Variants in PITPNM3 observed in about 807,000 individuals in gnomAD.
The protein encoded by PITPNM3 is PITPNM family member 3, also known as membrane-associated phosphatidylinositol transfer protein 3.
PITPNM3 carries 26 observed loss-of-function variants against 102.0 expected under a neutral mutation model. The ratio of observed to expected loss-of-function variants is 0.25; its 90% CI spans 0.19 to 0.35. The LOEUF (loss-of-function observed/expected upper bound fraction) is 0.35, where lower values mean the gene tolerates loss of function less well. Among genes scored for constraint, PITPNM3 ranks in the 10% least tolerant of loss-of-function variants. PITPNM3 has a pLI of 1.00. For synonymous variants in PITPNM3, 578 were observed against 558.6 expected, an observed-to-expected ratio of 1.03 and a Z score of -0.49; for missense variants, 1,083 against 1,346.1, an observed-to-expected ratio of 0.80 and a Z score of 3.06.
In PITPNM3 at chr17:6,484,198, C is replaced by A; in HGVS notation, c.351+18G>T. 6.3e-7 allele frequency: 1 copy of A among 1,590,358 alleles called. No homozygotes were observed. The highest frequency in any genetic ancestry group is 8.6e-7 in the Non-Finnish European group (1 of 1,158,846). On this transcript the variant is annotated intron_variant, in intron 5 of 19. Transcript: ENST00000262483. ...GGCCTCTGAGTTGAGCCCAGACACC[C>A]TCCGAAGCCCAGCCTACCTCGCTGT...
intron 2 of PITPNM3, among the ~76,000 whole-genome samples, chr17:6,530,965 C>T (rs1332245103): frequency 6.6e-6 from 1 of 152,212 alleles, no homozygotes; most frequent in Non-Finnish European, 1.5e-5. Context: ...CAGAGCTGTG[C>T]CACTGGCCCA....
At chr17:6,465,018 G>A (rs1243122866) in intron 14 of PITPNM3, among the ~76,000 whole-genome samples, 1 of 152,130 alleles carries the variant, frequency 6.6e-6, no homozygotes, top group Non-Finnish European at 1.5e-5. Flanking sequence ...CTGCTTTCGT[G>A]TTTTTTGTTT....
At chr17:6,492,157 G>A (rs900027521) in intron 4 of PITPNM3, among the ~76,000 whole-genome samples, 18 of 149,922 alleles carry the variant, frequency 1.2e-4, no homozygotes, top group African/African-American at 3.4e-4. Context: ...TCCACCTCCC[G>A]GGTTCCAGCA....
chr17:6,541,517 G>A (rs926316462), intron 1 of PITPNM3, among the ~76,000 whole-genome samples: 5 of 152,118 alleles, frequency 3.3e-5, no homozygotes, highest in African/African-American at 1.2e-4. Context: ...ACCAGGTAGG[G>A]TAGGACCTGT....
Position 6,457,289 on chromosome 17 carries a change from CCA to C in PITPNM3, c.2619+303_2619+304del, listed in dbSNP as rs1914156614. On this transcript the variant is annotated intron_variant, in intron 19 of 19. Transcript: ENST00000262483. The surrounding 1 kb of genome is among the most constrained non-coding windows in gnomAD (Gnocchi z 4.7). ...GGGTTAGCGGTCCCTCTCCAGGGCC[CCA>C]CAGTTCCCTGTGCTCCCGTCATACA... Among the ~76,000 whole-genome samples the C allele has an allele frequency of 6.6e-6, 1 of 152,186 alleles. No individual in the cohort carries two copies. Among genetic ancestry groups the C allele is most frequent in the Non-Finnish European group, 1.5e-5 (1 of 68,030 alleles).
At chr17:6,502,080 C>T (rs1412557270) in intron 4 of PITPNM3, among the ~76,000 whole-genome samples, 1 of 152,260 alleles carries the variant, frequency 6.6e-6, no homozygotes, top group Non-Finnish European at 1.5e-5. Flanking sequence ...TGGGGTGCCC[C>T]TGACAAAGGC....
At chr17:6,530,912 C>T (rs1476264022) in intron 2 of PITPNM3, among the ~76,000 whole-genome samples, 1 of 152,228 alleles carries the variant, frequency 6.6e-6, no homozygotes, top group Non-Finnish European at 1.5e-5. Context: ...GCCTCATTGA[C>T]AGATCCTTCC....
At chr17:6,474,281 T>C (rs1905193975) in intron 10 of PITPNM3, 151 bp downstream of exon 10, 1 of 1,146,750 alleles carries the variant, frequency 8.7e-7, no homozygotes, top group Admixed American at 2.0e-5. Context: ...CTCCCTCCTC[T>C]TCCCCACCCT....
intron 11 of PITPNM3, among the ~76,000 whole-genome samples, chr17:6,471,884 T>G (rs1567664840): frequency 6.6e-6 from 1 of 152,096 alleles, no homozygotes; most frequent in Non-Finnish European, 1.5e-5. Context: ...GCCGACCTAT[T>G]GAAGCTCCAG....
At chr17:6,495,741 A>G (rs1268702986) in intron 4 of PITPNM3, among the ~76,000 whole-genome samples, 2 of 152,152 alleles carry the variant, frequency 1.3e-5, no homozygotes, top group African/African-American at 4.8e-5. Flanking sequence ...GAGAGGGAGG[A>G]AAGAGAAGCT....
chr17:6,522,480 G>A (rs965407583), intron 3 of PITPNM3, among the ~76,000 whole-genome samples: 1 of 152,210 alleles, frequency 6.6e-6, no homozygotes, highest in African/African-American at 2.4e-5. Flanking sequence ...AGCATAAGGA[G>A]TCTTTAGGAC....
chr17:6,519,440 A>C (rs946851410), intron 3 of PITPNM3, among the ~76,000 whole-genome samples: 1 of 151,284 alleles, frequency 6.6e-6, no homozygotes, highest in African/African-American at 2.4e-5. Context: ...AATGACGTGA[A>C]CCTGGGAGGC....
At chr17:6,462,417 C>T (rs763085790) in intron 17 of PITPNM3, among the ~76,000 whole-genome samples, 2 of 152,218 alleles carry the variant, frequency 1.3e-5, no homozygotes, top group Non-Finnish European at 2.9e-5. Context: ...CCCAGAGCTG[C>T]TTTGCTGCCC....
Position 6,537,100 on chromosome 17 carries a change from A to C in PITPNM3, c.118+887T>G, listed in dbSNP as rs141376577. Among the ~76,000 whole-genome samples the C allele has an allele frequency of 3.3e-5, 5 of 151,882 alleles. No individual in the cohort carries two copies. The highest frequency in any genetic ancestry group is 1.2e-4 in the African/African-American group (5 of 41,368). On this transcript the variant is annotated intron_variant, in intron 2 of 19. Coordinates refer to ENST00000262483, the MANE Select transcript of PITPNM3 (RefSeq NM_031220.4). The surrounding 1 kb of genome is among the most constrained non-coding windows in gnomAD (Gnocchi z 4.4). ...TGGATGCCCCTTTCTTTCAATCCCA[A>C]CGTCAACAATGCTCCTTCCTATGTC...
chr17:6,475,494 T>C (rs778303248), intron 9 of PITPNM3, among the ~76,000 whole-genome samples: 9 of 152,246 alleles, frequency 5.9e-5, no homozygotes, highest in Non-Finnish European at 1.2e-4. Flanking sequence ...ATTGAAATCA[T>C]GTGGACAAGT....
intron 3 of PITPNM3, among the ~76,000 whole-genome samples, chr17:6,504,553 T>A (rs904205370): frequency 6.6e-6 from 1 of 151,864 alleles, no homozygotes; most frequent in South Asian, 2.1e-4. Flanking sequence ...ATGGGAAGAG[T>A]GTCCAGCTGG....
chr17:6,469,962 G>C lies in PITPNM3; in HGVS notation c.1773+298C>G, dbSNP rs895332315. 2.0e-5 allele frequency among the ~76,000 whole-genome samples: 3 copies of C among 151,576 alleles called. No individual in the cohort carries two copies. The East Asian group carries it at 5.8e-4, about 29-fold the overall frequency. On this transcript the variant is annotated intron_variant, in intron 13 of 19. Coordinates refer to ENST00000262483, the MANE Select transcript of PITPNM3 (RefSeq NM_031220.4). This position sits in a 1 kb window ranked among gnomAD's most constrained non-coding sequence, Gnocchi z 4.0. ...GGACATTGAGACTCAGTGGGGAGTG[G>C]GAACTGACTACTCCAGTCTCCAAGT...
chr17:6,481,058 G>C (rs1489923865), intron 6 of PITPNM3: 1 of 152,316 alleles, frequency 6.6e-6, no homozygotes, highest in East Asian at 1.9e-4. Flanking sequence ...TGGGTTCCCT[G>C]CTGCGAGTTG....
chr17:6,466,735 C>G (rs191616389), intron 14 of PITPNM3, among the ~76,000 whole-genome samples: 2 of 152,164 alleles, frequency 1.3e-5, no homozygotes, highest in East Asian at 3.9e-4. Flanking sequence ...AGAAATTGCA[C>G]TTCTAGGCAT....
Sources: allele counts gnomAD v4.1 joint callset (sites outside exome capture counted in the v4.1 genomes callset), GRCh38; gene constraint gnomAD v4.1.1; non-coding constraint Gnocchi (gnomAD v3.1); transcripts MANE v1.5; gene names NCBI Gene and HGNC (gene_info 2026-07-23, HGNC 2026-07-21).